PHF14: variants seen among roughly 807,000 people sequenced by gnomAD.
PHF14 encodes the protein PHD finger protein 14.
In PHF14, 55 loss-of-function variants were observed where a neutral mutation model predicts 117.9. That is an observed-to-expected ratio of 0.47 (90% CI 0.38 to 0.58). The LOEUF is 0.58. PHF14 is among the 20% of genes least tolerant of loss of function. PHF14 has a pLI of 0.00. For missense variants in PHF14, 978 were observed against 1,122.2 expected (o/e 0.87, Z 1.84); for synonymous variants, 409 against 368.6 (o/e 1.11, Z -1.26).
chr7:11,023,705 G>A (rs1783814495), intron 6 of PHF14, among the ~76,000 whole-genome samples: 1 of 152,198 alleles, frequency 6.6e-6, no homozygotes, highest in Non-Finnish European at 1.5e-5. Flanking sequence ...GCGCGTGCCT[G>A]TAATCCCAGC....
chr7:10,980,922 C>A (rs1782025967), intron 2 of PHF14, among the ~76,000 whole-genome samples: 1 of 152,068 alleles, frequency 6.6e-6, no homozygotes, highest in Non-Finnish European at 1.5e-5. Context: ...GTATCCTATG[C>A]AAGGTTGTTT....
chr7:11,134,107 G>A (rs1788155740), intron 17 of PHF14, among the ~76,000 whole-genome samples: 1 of 151,978 alleles, frequency 6.6e-6, no homozygotes, highest in African/African-American at 2.4e-5. Flanking sequence ...AATAGGCCTT[G>A]TGGTGGGGCT....
intron 16 of PHF14, among the ~76,000 whole-genome samples, chr7:11,070,318 T>C (rs1785572002): frequency 6.6e-6 from 1 of 152,066 alleles, no homozygotes; most frequent in South Asian, 2.1e-4. Flanking sequence ...ACTCAAACAA[T>C]CCTCTATCCT....
chr7:11,161,668 C>CTAAATAAAAAATATTATATTTTATT, intron 17 of PHF14, among the ~76,000 whole-genome samples: 1 of 103,556 alleles, frequency 9.7e-6, no homozygotes, highest in East Asian at 2.6e-4. Flanking sequence ...GGTAAAAACT[C>CTAAATAAAAAATATTATATTTTATT]TAAATAAAAA....
At chr7:11,038,671 T>TTATA (rs141703492) in intron 10 of PHF14, 89 bp from the exon 11 acceptor site, 7 of 335,556 alleles carry the variant, frequency 2.1e-5, no homozygotes, top group East Asian at 1.8e-4. Context: ...AAAAAAAAAA[T>TTATA]TATATATATA....
At chr7:11,064,897 A>G (rs1374713154) in intron 16 of PHF14, among the ~76,000 whole-genome samples, 3 of 152,012 alleles carry the variant, frequency 2.0e-5, no homozygotes, top group African/African-American at 4.8e-5. Context: ...TTGCTGAGTG[A>G]TAGTAAGGTT....
intron 16 of PHF14, chr7:11,063,746 T>A (rs1272251972): frequency 1.2e-6 from 1 of 826,472 alleles, no homozygotes; most frequent in Non-Finnish European, 1.5e-6. Context: ...TATGATAGAT[T>A]TCCAACCCAT....
intron 17 of PHF14, among the ~76,000 whole-genome samples, chr7:11,123,389 G>A (rs1583483898): frequency 6.6e-6 from 1 of 152,048 alleles, no homozygotes; most frequent in South Asian, 2.1e-4. Flanking sequence ...TTAAGTAGGC[G>A]AATGTATATT....
intron 16 of PHF14, among the ~76,000 whole-genome samples, chr7:11,085,261 G>A (rs999527337): frequency 9.2e-5 from 14 of 152,110 alleles, no homozygotes; most frequent in African/African-American, 2.4e-5. Flanking sequence ...TACACATTGC[G>A]ACATTAGCTT....
chr7:11,106,585 A>G (rs1787274369), intron 16 of PHF14: 3 of 984,350 alleles, frequency 3.0e-6, no homozygotes, highest in Admixed American at 6.2e-5. Flanking sequence ...ATTGACCACA[A>G]TTTGTATTTT....
At chr7:11,123,641 G>A (rs1009190915) in intron 17 of PHF14, among the ~76,000 whole-genome samples, 1 of 152,072 alleles carries the variant, frequency 6.6e-6, no homozygotes, top group Non-Finnish European at 1.5e-5. Flanking sequence ...TTAGCTGGGT[G>A]CAGTGGTGTG....
intron 6 of PHF14, among the ~76,000 whole-genome samples, chr7:11,027,897 T>G (rs1783979659): frequency 6.6e-6 from 1 of 152,120 alleles, no homozygotes; most frequent in African/African-American, 2.4e-5. Flanking sequence ...TTCTTTGTTA[T>G]TTTTGGCAAG....
At chr7:11,017,840 C>T (rs1783585640) in intron 5 of PHF14, among the ~76,000 whole-genome samples, 1 of 151,972 alleles carries the variant, frequency 6.6e-6, no homozygotes, top group Non-Finnish European at 1.5e-5. Flanking sequence ...GAAATTTTAC[C>T]CAGAGCAATG....
intron 5 of PHF14, among the ~76,000 whole-genome samples, chr7:11,022,630 G>C (rs547392390): frequency 6.6e-6 from 1 of 152,270 alleles, no homozygotes; most frequent in East Asian, 1.9e-4. Context: ...ATAGTTGTTA[G>C]CTCTCAGTTT....
intron 16 of PHF14, among the ~76,000 whole-genome samples, chr7:11,077,114 T>C (rs1165506827): frequency 6.6e-6 from 1 of 151,882 alleles, no homozygotes; most frequent in African/African-American, 2.4e-5. Context: ...TTTTACTCTT[T>C]TGGTCGTTAG....
chr7:11,006,855 C>CT (rs1255695929), intron 4 of PHF14: 2 of 634,764 alleles, frequency 3.2e-6, no homozygotes, highest in Non-Finnish European at 5.9e-6. Context: ...GCTTCCTTCA[C>CT]TTTCGGCACT....
At chr7:11,051,266 TC>T (rs1332340114) in intron 13 of PHF14, among the ~76,000 whole-genome samples, 2 of 152,030 alleles carry the variant, frequency 1.3e-5, no homozygotes, top group East Asian at 3.9e-4. Flanking sequence ...TCATCCTGCC[TC>T]AGTCTCCTGA....
At chr7:11,114,326 A>G (rs1787531018) in intron 17 of PHF14, among the ~76,000 whole-genome samples, 3 of 152,210 alleles carry the variant, frequency 2.0e-5, no homozygotes, top group Admixed American at 6.5e-5. Context: ...AAACTCTAAA[A>G]TATTGCTATT....
intron 16 of PHF14, among the ~76,000 whole-genome samples, chr7:11,085,802 A>T (rs1014676626): frequency 5.9e-5 from 9 of 151,964 alleles, no homozygotes; most frequent in East Asian, 3.9e-4. Context: ...CAGTCCTTCC[A>T]CCTTGGCCTC....
Sources: allele counts gnomAD v4.1 joint callset (sites outside exome capture counted in the v4.1 genomes callset), GRCh38; gene constraint gnomAD v4.1.1; transcripts MANE v1.5; gene names NCBI Gene and HGNC (gene_info 2026-07-23, HGNC 2026-07-21).